The following WFDC3 variants were observed in gnomAD, a reference collection of about 807,000 sequenced individuals.
The protein encoded by WFDC3 is WAP four-disulfide core domain 3, also known as WAP four-disulfide core domain protein 3.
Under a neutral mutation model 25.8 loss-of-function variants are expected in WFDC3, and 15 were observed. The ratio of observed to expected loss-of-function variants is 0.58; its 90% confidence interval spans 0.39 to 0.89. The LOEUF (loss-of-function observed/expected upper bound fraction) is 0.89. Among genes scored for constraint, WFDC3 ranks in the 40% least tolerant of loss-of-function variants. The pLI is 0.00. For missense variants in WFDC3, 264 were observed against 289.8 expected, an observed-to-expected ratio of 0.91 and a Z score of 0.65; for synonymous variants, 103 against 107.1, an observed-to-expected ratio of 0.96 and a Z score of 0.24.
At chr20:45,788,802 AAAG>A (rs766699302) in intron 3 of WFDC3, 126 bp downstream of exon 3, 112 of 1,311,346 alleles carry the variant, frequency 8.5e-5, no homozygotes, top group Non-Finnish European at 8.4e-5. Context: ...CTAAAAGAGT[AAAG>A]AAGAAGTACT....
At chr20:45,776,542 G>A (rs1980165127) in intron 5 of WFDC3, among the ~76,000 whole-genome samples, 1 of 142,106 alleles carries the variant, frequency 7.0e-6, no homozygotes, top group African/African-American at 2.6e-5. Context: ...AGGTTTCAGT[G>A]AGCCAAGATC....
At chr20:45,784,421 C>T (rs191088513) in intron 4 of WFDC3, among the ~76,000 whole-genome samples, 6 of 152,358 alleles carry the variant, frequency 3.9e-5, no homozygotes, top group Admixed American at 3.9e-4. Flanking sequence ...GAAAACCATC[C>T]TGGTTTTGAA....
At chr20:45,787,755 C>A in intron 4 of WFDC3, 81 bp downstream of exon 4, 1 of 1,473,998 alleles carries the variant, frequency 6.8e-7, no homozygotes, top group Non-Finnish European at 9.0e-7. Flanking sequence ...CAAAGTAAAA[C>A]CAACAAGCTG....
Position 45,789,014 on chromosome 20 carries a change from A to G in WFDC3, c.128T>C (p.Leu43Pro), listed in dbSNP as rs746403200. 1 of 1,613,752 alleles carries G rather than the reference A, an allele frequency of 6.2e-7. No individual in the cohort carries two copies. The highest frequency in any genetic ancestry group is 8.5e-7 in the Non-Finnish European group (1 of 1,179,924). The change falls in exon 3 of 7, where the codon CTG becomes CCG. Residue 43 changes from leucine (L) to proline (P), a missense_variant. By Grantham distance (98) the Leu-to-Pro change is moderately conservative. Transcript: ENST00000243938. Reference protein sequence around the residue: ...CPPHKNPCKELCQGDELCPAE... With the variant: ...CPPHKNPCKEPCQGDELCPAE... ...CGGACACAATTCATCACCCTGGCAC[A>G]GCTCTTTGCATGGGTTCTTATGGGG... is the stretch of plus-strand genomic sequence containing the variant.
intron 1 of WFDC3, chr20:45,791,040 C>CA (rs1980947576): frequency 2.2e-6 from 1 of 453,592 alleles, no homozygotes; most frequent in African/African-American, 2.0e-5. Context: ...GTCCTATGGG[C>CA]AGGTACAAGG....
rs142414385 is a variant in WFDC3, at chr20:45,776,865, C to T, written c.493+210G>A. 7.9e-3 allele frequency among the ~76,000 whole-genome samples: 1,206 copies of T among 152,100 alleles called. 6 individuals are homozygous for T. Among genetic ancestry groups the T allele is most frequent in the Admixed American group, 0.015 (225 of 15,264 alleles). The stretch of plus-strand genomic sequence containing the variant: ...GACCAAAAGCCACACTGTCTGTCTT[C>T]CAGCCCAAGTAGTTCCTACTGCCCC... On this transcript the variant is annotated intron_variant, in intron 5 of 6. Coordinates refer to ENST00000243938, the MANE Select transcript of WFDC3 (RefSeq NM_080614.2).
chr20:45,789,028 G>T lies in WFDC3; in HGVS notation c.114C>A (p.Asn38Lys). 1 of 1,613,466 alleles carries T rather than the reference G, an allele frequency of 6.2e-7. No individual in the cohort carries two copies. ...CACCCTGGCACAGCTCTTTGCATGG[G>T]TTCTTATGGGGAGGGCATTCTCCCT... ...AKEGECPPHKNPCKELCQGDE... is the reference protein window; with the variant it reads ...AKEGECPPHKKPCKELCQGDE... Residue 38 changes from asparagine (N) to lysine (K), a missense_variant, in exon 3 of 7, where the codon AAC becomes AAA. Transcript: ENST00000243938.
intron 5 of WFDC3, among the ~76,000 whole-genome samples, chr20:45,776,660 A>ATATATATGTGTGTGTGTGTG (rs762240715): frequency 1.1e-5 from 1 of 93,312 alleles, no homozygotes; most frequent in African/African-American, 4.4e-5. Context: ...ATATATATAT[A>ATATATATGTGTGTGTGTGTG]TGTGTGTGTG....
chr20:45,790,567 A>C (rs1461475820), intron 1 of WFDC3, among the ~76,000 whole-genome samples: 1 of 152,204 alleles, frequency 6.6e-6, no homozygotes, highest in Non-Finnish European at 1.5e-5. Flanking sequence ...TCTACTAAAA[A>C]TACAAAAATC....
intron 4 of WFDC3, among the ~76,000 whole-genome samples, chr20:45,786,838 T>C (rs1399143893): frequency 1.3e-5 from 2 of 152,046 alleles, no homozygotes; most frequent in African/African-American, 4.8e-5. Context: ...CTCACGCCTG[T>C]AATCCCAGTA....
At chr20:45,787,544 G>C (rs1010391337) in intron 4 of WFDC3, among the ~76,000 whole-genome samples, 2 of 151,854 alleles carry the variant, frequency 1.3e-5, no homozygotes, top group Non-Finnish European at 2.9e-5. Flanking sequence ...GCCCGCCTTG[G>C]CCTCCCAAAG....
chr20:45,786,957 G>A (rs1980693895), intron 4 of WFDC3, among the ~76,000 whole-genome samples: 1 of 151,792 alleles, frequency 6.6e-6, no homozygotes, highest in African/African-American at 2.4e-5. Flanking sequence ...AGCCGGGTGT[G>A]GTGGCACATG....
intron 4 of WFDC3, among the ~76,000 whole-genome samples, chr20:45,787,188 T>TCTGTC (rs1306460972): frequency 6.6e-6 from 1 of 150,602 alleles, no homozygotes; most frequent in Non-Finnish European, 1.5e-5. Context: ...TTTTTTTTTT[T>TCTGTC]TCTGTCTCTG....
chr20:45,789,537 C>T (rs1980849501), intron 2 of WFDC3, among the ~76,000 whole-genome samples: 1 of 151,644 alleles, frequency 6.6e-6, no homozygotes, highest in African/African-American at 2.4e-5. Flanking sequence ...CAACCACCTT[C>T]CCCTCCTCAT....
At chr20:45,791,637 C>T (rs1980998118) in intron 1 of WFDC3, among the ~76,000 whole-genome samples, 195 bp downstream of exon 1, 1 of 152,132 alleles carries the variant, frequency 6.6e-6, no homozygotes, top group Admixed American at 6.5e-5. Context: ...GAACTGCAGG[C>T]GCCGCTGTAC....
chr20:45,778,392 T>A (rs1980290741), intron 4 of WFDC3, among the ~76,000 whole-genome samples: 1 of 152,234 alleles, frequency 6.6e-6, no homozygotes, highest in Non-Finnish European at 1.5e-5. Flanking sequence ...TTGCTTTAAG[T>A]CATGAAGTTT....
intron 6 of WFDC3, 151 bp downstream of exon 6, chr20:45,775,266 C>T: frequency 1.8e-6 from 2 of 1,105,974 alleles, no homozygotes; most frequent in Non-Finnish European, 2.6e-6. Flanking sequence ...TAAGCCTGTA[C>T]TGTTTGTATG....
Position 45,777,066 on chromosome 20 carries a change from C to A in WFDC3, c.493+9G>T. On this transcript the variant is annotated intron_variant, in intron 5 of 6. Coordinates refer to ENST00000243938, the MANE Select transcript of WFDC3 (RefSeq NM_080614.2). ...ACTCAAGGATTTCTTCCCAAAAGAG[C>A]CAACATACCTCCCTCAATGTCTCCG... is the stretch of plus-strand genomic sequence containing the variant. The A allele has an allele frequency of 7.4e-6, 12 of 1,612,382 alleles. No individual in the cohort carries two copies. Among genetic ancestry groups the A allele is most frequent in the Non-Finnish European group, 1.0e-5 (12 of 1,179,656 alleles).
intron 5 of WFDC3, among the ~76,000 whole-genome samples, chr20:45,776,274 A>ATC (rs1254962037): frequency 0.029 from 2,326 of 79,766 alleles, 43 homozygotes; most frequent in African/African-American, 0.06. Context: ...GAATGCTTTT[A>ATC]TCTCTGTGTG....
Sources: allele counts gnomAD v4.1 joint callset (sites outside exome capture counted in the v4.1 genomes callset), GRCh38; gene constraint gnomAD v4.1.1; transcripts MANE v1.5; gene names NCBI Gene and HGNC (gene_info 2026-07-23, HGNC 2026-07-21).